The following MAP3K9 variants were observed in gnomAD, a reference collection of about 807,000 sequenced individuals.
MAP3K9 encodes mixed lineage kinase 1 (tyr and ser/thr specificity).
Under a neutral mutation model 95.8 loss-of-function variants are expected in MAP3K9, and 46 were observed. The observed-to-expected ratio is 0.48, with a 90% CI of 0.38 to 0.61. The LOEUF (loss-of-function observed/expected upper bound fraction) is 0.61, where lower values mean the gene tolerates loss of function less well. Ranked by LOEUF, MAP3K9 falls within the 20% of genes least tolerant of loss-of-function variation. MAP3K9 has a pLI of 0.00. For missense variants in MAP3K9, 1,296 were observed against 1,474.3 expected (o/e 0.88, Z 1.98); for synonymous variants, 533 against 593.8 (o/e 0.90, Z 1.49).
intron 5 of MAP3K9, among the ~76,000 whole-genome samples, chr14:70,746,731 T>C (rs950516108): frequency 6.6e-6 from 1 of 152,244 alleles, no homozygotes; most frequent in Non-Finnish European, 1.5e-5. Flanking sequence ...GCATGGCACA[T>C]AGCACATGCT....
intron 2 of MAP3K9, chr14:70,783,437 T>G (rs1018445449): frequency 1.0e-6 from 1 of 978,010 alleles, no homozygotes. Flanking sequence ...TCAAAATTCC[T>G]CCCAAAAGAG....
At position 70,725,711 on chromosome 14, in the gene MAP3K9, C is replaced by T. The variant is rs1653596937; in HGVS notation, c.*4669G>A. ...GTAATGCGTTTCTAACAATAGTATA[C>T]CTTGACAAAGACAAGTCATTCTCAG... On this transcript the variant is annotated 3_prime_UTR_variant, in exon 12 of 12. Coordinates refer to ENST00000554752, the MANE Select transcript of MAP3K9 (RefSeq NM_001284230.2). The T allele has an allele frequency of 2.0e-5, 3 of 152,284 alleles. No homozygotes were observed. Among genetic ancestry groups the T allele is most frequent in the Admixed American group, 2.0e-4 (3 of 15,300 alleles). The allele number at this position is 152,284 out of a possible 1,614,324, so 9.4% of individuals were successfully genotyped here. A position where few individuals can be genotyped will look rare whatever the true frequency, so the allele number is the denominator to read the frequency against.
chr14:70,749,985 G>A lies in MAP3K9; in HGVS notation c.1098C>T (p.Leu366=), dbSNP rs777251020. The A allele has an allele frequency of 2.0e-5, 33 of 1,614,076 alleles. No homozygotes were observed. Among genetic ancestry groups the A allele is most frequent in the Middle Eastern group, 1.6e-4 (1 of 6,084 alleles). ...GGCACGTAGAAGGAATAGGAAGGGCGAGTTTGTTCATGGCCACTCCATAAG... is the reference window on the plus strand; with the variant it reads ...GGCACGTAGAAGGAATAGGAAGGGCAAGTTTGTTCATGGCCACTCCATAAG... The part of the protein sequence containing the change: ...AVAYGVAMNK[L]ALPIPSTCPE... Residue 366 remains leucine (L), a synonymous_variant, in exon 4 of 12, where the codon CTC becomes CTT. Transcript: ENST00000554752.
chr14:70,795,154 C>G (rs773089285), intron 2 of MAP3K9, among the ~76,000 whole-genome samples: 1 of 151,504 alleles, frequency 6.6e-6, no homozygotes, highest in Non-Finnish European at 1.5e-5. Context: ...CCACCACGTT[C>G]GGCTATTTTT....
rs1479227792 is a variant in MAP3K9, at chr14:70,738,245, C to G, written c.1844G>C (p.Gly615Ala). 1 of 1,606,364 alleles carries G rather than the reference C, an allele frequency of 6.2e-7. No homozygotes were observed. Among genetic ancestry groups the G allele is most frequent in the East Asian group, 2.3e-5 (1 of 44,358 alleles). Residue 615 changes from glycine to alanine, a missense_variant and splice_region_variant, in exon 8 of 12, where the codon GGA (glycine) becomes GCA (alanine). Gly to Ala is a moderately conservative substitution (Grantham distance 60). Transcript: ENST00000554752. ...GAATTTCATGTCATCTGGCACTTAC[C>G]CTTCATCTCCCGAGGCAAGCTCCTT... ...GQKELASGDE[G>A]SPQRREKANG...
At chr14:70,783,713 T>A (rs1442390016) in intron 2 of MAP3K9, among the ~76,000 whole-genome samples, 1 of 152,200 alleles carries the variant, frequency 6.6e-6, no homozygotes, top group Non-Finnish European at 1.5e-5. Context: ...TCAGCGCTCC[T>A]CCAGGAGGAA....
rs1210322959 is a variant in MAP3K9 at position 70,730,536 on chromosome 14, G to C, written c.3159C>G (p.Leu1053=). The C allele has an allele frequency of 8.7e-6, 14 of 1,613,852 alleles. No individual in the cohort carries two copies. The highest frequency in any genetic ancestry group is 1.2e-5 in the Non-Finnish European group (14 of 1,180,038). Residue 1053 remains leucine (L), a synonymous_variant, in exon 12 of 12, where the codon CTC becomes CTG. Transcript: ENST00000554752. ...VEERPGLPAL[L]PFQAGPLPPT... ...GGGGCAGCGGCCCTGCCTGGAACGG[G>C]AGCAGGGCTGGAAGTCCAGGCCGCT... is the stretch of plus-strand genomic sequence containing the variant.
intron 1 of MAP3K9, among the ~76,000 whole-genome samples, chr14:70,806,628 C>G (rs1158424113): frequency 1.3e-5 from 2 of 152,184 alleles, no homozygotes; most frequent in Non-Finnish European, 2.9e-5. Context: ...TCCTGGCCAC[C>G]AAATGAAAAA....
intron 2 of MAP3K9, among the ~76,000 whole-genome samples, chr14:70,772,051 G>C (rs1172050224): frequency 6.6e-6 from 1 of 152,208 alleles, no homozygotes; most frequent in African/African-American, 2.4e-5. Context: ...AGAGAGGCCA[G>C]ACTTGCTTAC....
intron 7 of MAP3K9, 107 bp downstream of exon 7, chr14:70,739,935 G>A (rs1324926573): frequency 6.2e-7 from 1 of 1,614,068 alleles, no homozygotes; most frequent in Non-Finnish European, 8.5e-7. Flanking sequence ...AGGAGAGGTG[G>A]CAGAAGTTAT....
At chr14:70,733,692 G>A in intron 10 of MAP3K9, 1 of 717,402 alleles carries the variant, frequency 1.4e-6, no homozygotes, top group Non-Finnish European at 2.6e-6. Context: ...TGCTGGGTGT[G>A]TCTGTGAGGC....
chr14:70,736,171 A>T (rs1183689629), intron 8 of MAP3K9, 142 bp from the exon 9 acceptor site: 2 of 681,582 alleles, frequency 2.9e-6, no homozygotes, highest in Admixed American at 4.2e-5. Flanking sequence ...CCACACCATG[A>T]AAGAATCTTA....
At chr14:70,740,014 C>G in intron 7 of MAP3K9, 28 bp downstream of exon 7, 1 of 1,614,100 alleles carries the variant, frequency 6.2e-7, no homozygotes, top group Middle Eastern at 1.6e-4. Context: ...TGTGTTCTGG[C>G]CCCAGCTAAT....
chr14:70,802,455 A>G (rs2054940827), intron 1 of MAP3K9, among the ~76,000 whole-genome samples: 1 of 152,202 alleles, frequency 6.6e-6, no homozygotes, highest in Non-Finnish European at 1.5e-5. Context: ...TCATGGGTAG[A>G]TAATAATAGC....
At chr14:70,757,794 C>T (rs1287634676) in intron 3 of MAP3K9, among the ~76,000 whole-genome samples, 5 of 151,868 alleles carry the variant, frequency 3.3e-5, no homozygotes, top group Non-Finnish European at 5.9e-5. Context: ...CCAAATAATT[C>T]GATGGGAAAA....
intron 9 of MAP3K9, 62 bp from the exon 10 acceptor site, chr14:70,734,560 T>A: frequency 1.1e-6 from 1 of 918,998 alleles, no homozygotes; most frequent in African/African-American, 1.6e-5. Context: ...GACCCTCAGC[T>A]CCATGGGTCT....
At position 70,730,191 on chromosome 14, in the gene MAP3K9, A is replaced by C. The variant is rs2053874374; in HGVS notation, c.*189T>G. 6.5e-6 allele frequency: 5 copies of C among 770,770 alleles called. No homozygotes were observed. Among genetic ancestry groups the C allele is most frequent in the Non-Finnish European group, 8.0e-6 (4 of 501,940 alleles). 47.7% of individuals were successfully genotyped at this position (770,770 alleles called of 1,614,324 possible). A position where few individuals can be genotyped will look rare whatever the true frequency, so the allele number is the denominator to read the frequency against. On this transcript the variant is annotated 3_prime_UTR_variant, in exon 12 of 12. Coordinates refer to ENST00000554752, the MANE Select transcript of MAP3K9 (RefSeq NM_001284230.2). ...CACAGCCCCTCCAGTGGACACGGGTAGAAAGGCCCTGCAGGGCAGGAGACC... is the reference window on the plus strand; with the variant it reads ...CACAGCCCCTCCAGTGGACACGGGTCGAAAGGCCCTGCAGGGCAGGAGACC...
intron 2 of MAP3K9, among the ~76,000 whole-genome samples, chr14:70,762,934 C>A (rs866087788): frequency 1.2e-4 from 19 of 152,286 alleles, no homozygotes; most frequent in African/African-American, 3.1e-4. Context: ...GAATTTCATT[C>A]TTTTGCATGT....
At chr14:70,748,029 A>G (rs1418621331) in intron 5 of MAP3K9, among the ~76,000 whole-genome samples, 3 of 162 alleles carry the variant, frequency 0.019, no homozygotes. Context: ...AATGGCGTGA[A>G]CCCAGAGGCA....
Sources: allele counts gnomAD v4.1 joint callset (sites outside exome capture counted in the v4.1 genomes callset), GRCh38; gene constraint gnomAD v4.1.1; transcripts MANE v1.5; gene names NCBI Gene and HGNC (gene_info 2026-07-23, HGNC 2026-07-21).